Variants in LGR6 observed in about 807,000 individuals in gnomAD.
LGR6 encodes the protein leucine-rich repeat-containing G protein-coupled receptor 6.
In LGR6, 45 loss-of-function variants were observed where a neutral mutation model predicts 69.4. The ratio of observed to expected loss-of-function variants is 0.65; its 90% confidence interval spans 0.51 to 0.83. The LOEUF is 0.83. Ranked by LOEUF, LGR6 falls within the 40% of genes least tolerant of loss-of-function variation. The pLI, the probability that LGR6 is intolerant of heterozygous loss-of-function variation, is 0.00. For synonymous variants in LGR6, 538 were observed against 555.0 expected (o/e 0.97, Z 0.43); for missense variants, 1,108 against 1,246.7 (o/e 0.89, Z 1.68).
intron 14 of LGR6, among the ~76,000 whole-genome samples, chr1:202,308,720 T>G (rs1653470035): frequency 6.6e-6 from 1 of 152,218 alleles, no homozygotes; most frequent in Non-Finnish European, 1.5e-5. Flanking sequence ...CACTTAGAAC[T>G]GGGCACAGGA....
rs1470496056 is a variant in LGR6, at chr1:202,276,464, A to G, written c.587A>G (p.Asn196Ser). ...CTGCAGGCCATGACCCTGGCCCTCA[A>G]CCGCATCAGCCACATCCCCGACTAC... ...PALQAMTLAL[N>S]RISHIPDYAF... The change falls in exon 5 of 18, where the codon AAC (asparagine) becomes AGC (serine). Residue 196 changes from asparagine to serine, a missense_variant. Physicochemically the swap from Asn to Ser is conservative, Grantham distance 46 (BLOSUM62 1). Coordinates refer to ENST00000367278, the MANE Select transcript of LGR6 (RefSeq NM_001017403.2). The G allele has an allele frequency of 3.1e-6, 5 of 1,614,128 alleles. No homozygotes were observed. Among genetic ancestry groups the G allele is most frequent in the East Asian group, 2.2e-5 (1 of 44,880 alleles).
At chr1:202,220,877 TCACA>T (rs1482890203) in intron 1 of LGR6, among the ~76,000 whole-genome samples, 2 of 151,660 alleles carry the variant, frequency 1.3e-5, no homozygotes, top group Admixed American at 6.6e-5. Flanking sequence ...ACACATACAC[TCACA>T]CACATTCACA....
chr1:202,203,928 G>A (rs1658927671), intron 1 of LGR6: 8 of 1,320,094 alleles, frequency 6.1e-6, no homozygotes, highest in Non-Finnish European at 8.8e-6. Flanking sequence ...AGCACAGAGG[G>A]GGTGCGATTT....
At chr1:202,296,771 C>G (rs946569281) in intron 6 of LGR6, among the ~76,000 whole-genome samples, 2 of 152,144 alleles carry the variant, frequency 1.3e-5, no homozygotes, top group Non-Finnish European at 2.9e-5. Flanking sequence ...CTTACACATT[C>G]CTAGACTTGG....
At chr1:202,285,649 T>C (rs1299226063) in intron 6 of LGR6, among the ~76,000 whole-genome samples, 1 of 152,188 alleles carries the variant, frequency 6.6e-6, no homozygotes, top group Non-Finnish European at 1.5e-5. Context: ...GAATGTGTCC[T>C]AAGGTGGCCG....
rs1375379204 is a variant in LGR6 at position 202,276,404 on chromosome 1, A to G, written c.527A>G (p.Glu176Gly). 10 of 1,614,170 alleles carry G rather than the reference A, an allele frequency of 6.2e-6. No homozygotes were observed. The highest frequency in any genetic ancestry group is 8.5e-6 in the Non-Finnish European group (10 of 1,180,028). ...HLWLDDNALT[E>G]IPVRALNNLP... ...TGGCTGGACGACAATGCACTCACGG[A>G]GATCCCTGTCAGGGCCCTCAACAAC... Residue 176 changes from glutamate (E) to glycine (G), a missense_variant, in exon 5 of 18, where the codon GAG (glutamate) becomes GGG (glycine). Coordinates refer to ENST00000367278, the MANE Select transcript of LGR6 (RefSeq NM_001017403.2).
intron 1 of LGR6, among the ~76,000 whole-genome samples, chr1:202,218,791 A>G (rs1209670697): frequency 6.6e-6 from 1 of 151,824 alleles, no homozygotes; most frequent in Non-Finnish European, 1.5e-5. Flanking sequence ...TGTCTGTTGT[A>G]CTCTCCAGTC....
At chr1:202,245,974 C>T (rs1441159135) in intron 4 of LGR6, among the ~76,000 whole-genome samples, 2 of 150,600 alleles carry the variant, frequency 1.3e-5, no homozygotes, top group African/African-American at 4.9e-5. Context: ...ATCCCTCCCT[C>T]CCTTCATCTA....
chr1:202,214,336 T>C, intron 1 of LGR6: 2 of 1,217,746 alleles, frequency 1.6e-6, no homozygotes, highest in South Asian at 1.5e-5. Context: ...GGTGGGGCGC[T>C]ACCCGGGCCG....
intron 4 of LGR6, among the ~76,000 whole-genome samples, chr1:202,253,168 AT>A (rs1409078753): frequency 6.6e-6 from 1 of 152,238 alleles, no homozygotes; most frequent in Non-Finnish European, 1.5e-5. Flanking sequence ...TTGTCTGAAC[AT>A]TCTGAGCCTC....
At chr1:202,204,660 A>AAC (rs1558003919) in intron 1 of LGR6, among the ~76,000 whole-genome samples, 1 of 3,410 alleles carries the variant, frequency 2.9e-4, no homozygotes, top group Non-Finnish European at 7.1e-4. Context: ...CACACCTCCA[A>AAC]ACACACACAC....
chr1:202,213,195 G>T (rs554040904), intron 1 of LGR6, among the ~76,000 whole-genome samples: 2 of 152,134 alleles, frequency 1.3e-5, no homozygotes, highest in Non-Finnish European at 2.9e-5. Context: ...TCCAGCCAGG[G>T]CATCATGCCC....
chr1:202,300,373 G>C (rs1185717303), intron 7 of LGR6, among the ~76,000 whole-genome samples: 1 of 152,204 alleles, frequency 6.6e-6, no homozygotes, highest in Non-Finnish European at 1.5e-5. Context: ...AGAAAAATCA[G>C]CTGGGTGCAG....
At chr1:202,205,744 A>C (rs1571810320) in intron 1 of LGR6, among the ~76,000 whole-genome samples, 1 of 128,988 alleles carries the variant, frequency 7.8e-6, no homozygotes, top group African/African-American at 3.0e-5. Flanking sequence ...ACACACACAC[A>C]CCTCCTTCAA....
chr1:202,288,074 G>A lies in LGR6; in HGVS notation c.716+7222G>A, dbSNP rs568468545. Among the ~76,000 whole-genome samples, 4 of 151,994 alleles carry A rather than the reference G, an allele frequency of 2.6e-5. No individual in the cohort carries two copies. In the South Asian group the frequency reaches 8.3e-4, roughly 32 times the overall value. The stretch of plus-strand genomic sequence containing the variant: ...GCTGTGGCCCCTTGCCGCCTCTCTG[G>A]TGTCACCCCCTCCTCAATCTAGTCC... On this transcript the variant is annotated intron_variant, in intron 6 of 17. Transcript: ENST00000367278.
chr1:202,318,036 G>A lies in LGR6; in HGVS notation c.1733G>A (p.Cys578Tyr). The change falls in exon 18 of 18, where the codon TGC (cysteine) becomes TAC (tyrosine). Residue 578 changes from cysteine to tyrosine, a missense_variant. Physicochemically the swap from Cys to Tyr is radical, Grantham distance 194 (BLOSUM62 -2). Coordinates refer to ENST00000367278, the MANE Select transcript of LGR6 (RefSeq NM_001017403.2). ...VWAIVLLSVL[C>Y]NGLVLLTVFA... Reference sequence around the variant, plus strand: ...GCCATCGTGTTGCTCTCCGTGCTCTGCAATGGACTGGTGCTGCTGACCGTG... The same window carrying A: ...GCCATCGTGTTGCTCTCCGTGCTCTACAATGGACTGGTGCTGCTGACCGTG... The A allele has an allele frequency of 6.2e-7, 1 of 1,614,174 alleles. No individual in the cohort carries two copies. The highest frequency in any genetic ancestry group is 8.5e-7 in the Non-Finnish European group (1 of 1,180,028).
At chr1:202,295,489 A>G (rs886377564) in intron 6 of LGR6, among the ~76,000 whole-genome samples, 1 of 152,224 alleles carries the variant, frequency 6.6e-6, no homozygotes, top group African/African-American at 2.4e-5. Flanking sequence ...TGAATCATGT[A>G]TACAATTTAA....
At chr1:202,194,712 G>GC in intron 1 of LGR6, 2 of 255,850 alleles carry the variant, frequency 7.8e-6, no homozygotes, top group South Asian at 3.0e-5. Context: ...GGGCGGGGGG[G>GC]GCGGGTTTCC....
chr1:202,282,249 A>G (rs1666068701), intron 6 of LGR6, among the ~76,000 whole-genome samples: 1 of 152,240 alleles, frequency 6.6e-6, no homozygotes, highest in Non-Finnish European at 1.5e-5. Context: ...ACAGCTGGGC[A>G]GTTAACTCTG....
Sources: allele counts gnomAD v4.1 joint callset (sites outside exome capture counted in the v4.1 genomes callset), GRCh38; gene constraint gnomAD v4.1.1; transcripts MANE v1.5; gene names NCBI Gene and HGNC (gene_info 2026-07-23, HGNC 2026-07-21).